ST8SIA5: variants seen among roughly 807,000 people sequenced by gnomAD.
ST8SIA5 encodes alpha-2,8-sialyltransferase 8E.
Under a neutral mutation model 40.2 loss-of-function variants are expected in ST8SIA5, and 24 were observed. The ratio of observed to expected loss-of-function variants is 0.60; its 90% CI spans 0.43 to 0.84. ST8SIA5 has a LOEUF of 0.84. Ranked by LOEUF, ST8SIA5 falls within the 40% of genes least tolerant of loss-of-function variation. The pLI, the probability that ST8SIA5 is intolerant of heterozygous loss-of-function variation, is 0.00. For missense variants in ST8SIA5, 465 were observed against 498.5 expected, an observed-to-expected ratio of 0.93 and a Z score of 0.64; for synonymous variants, 198 against 201.8, an observed-to-expected ratio of 0.98 and a Z score of 0.16.
At chr18:46,742,945 C>T (rs1250889261) in intron 1 of ST8SIA5, among the ~76,000 whole-genome samples, 4 of 152,146 alleles carry the variant, frequency 2.6e-5, no homozygotes, top group Non-Finnish European at 5.9e-5. Flanking sequence ...GAGTGGACCT[C>T]CAGGAAACTC....
chr18:46,734,110 G>T (rs117667273), intron 1 of ST8SIA5, among the ~76,000 whole-genome samples: 1 of 152,124 alleles, frequency 6.6e-6, no homozygotes, highest in South Asian at 2.1e-4. Flanking sequence ...AGATTAGAGC[G>T]GAGATGCTTC....
In ST8SIA5 at chr18:46,677,972, G is replaced by C. The variant is rs2039351279; in HGVS notation, c.*2070C>G. 1 of 152,226 alleles carries C rather than the reference G, an allele frequency of 6.6e-6. No homozygotes were observed. The highest frequency in any genetic ancestry group is 1.5e-5 in the Non-Finnish European group (1 of 68,036). The allele number at this position is 152,226 out of a possible 1,614,324, so 9.4% of individuals were successfully genotyped here. On this transcript the variant is annotated 3_prime_UTR_variant, in exon 7 of 7. Transcript: ENST00000315087. ...CAAAATGGTCTTTAAGAACCTTCTA[G>C]TTTTTATATTCCATGGTTTCAAGAA...
chr18:46,692,826 C>T (rs796779958), intron 2 of ST8SIA5, among the ~76,000 whole-genome samples: 20 of 152,108 alleles, frequency 1.3e-4, no homozygotes, highest in African/African-American at 3.6e-4. Context: ...AGAGCCCACA[C>T]CCTCAACCAC....
rs1179365729 is a variant in ST8SIA5 at position 46,674,726 on chromosome 18, GCAGCAGAAGCACAGAGGAGAGAGTGCC to G, written c.*5289_*5315del. 1.2e-4 allele frequency: 19 copies of G among 152,442 alleles called. No individual in the cohort carries two copies. Among genetic ancestry groups the G allele is most frequent in the African/African-American group, 4.3e-4 (18 of 41,480 alleles). 9.4% of individuals were successfully genotyped at this position (152,442 alleles called of 1,614,324 possible). The stretch of plus-strand genomic sequence containing the variant: ...TGTCCTAATGGAGTCGGTGATGGTT[GCAGCAGAAGCACAGAGGAGAGAGTGCC>G]CAGCCCAGGTCTCTAGAGGGGAGGA... On this transcript the variant is annotated 3_prime_UTR_variant, in exon 7 of 7. Coordinates refer to ENST00000315087, the MANE Select transcript of ST8SIA5 (RefSeq NM_013305.6).
intron 2 of ST8SIA5, among the ~76,000 whole-genome samples, chr18:46,694,719 AG>A (rs1296986443): frequency 6.6e-6 from 1 of 152,128 alleles, no homozygotes; most frequent in African/African-American, 2.4e-5. Context: ...GAAGGGCTAA[AG>A]GAAGTGCCTG....
chr18:46,704,241 C>T (rs576585233), intron 2 of ST8SIA5, among the ~76,000 whole-genome samples: 1 of 152,306 alleles, frequency 6.6e-6, no homozygotes, highest in East Asian at 1.9e-4. Flanking sequence ...TCAGGCAAAA[C>T]AGTCCTGTGC....
At position 46,679,950 on chromosome 18, in the gene ST8SIA5, A is replaced by C. The variant is rs2039369840; in HGVS notation, c.*92T>G. ...AGGGAGAGACAGCCTGAACGCCAGG[A>C]CCCCACGCTGCCCGGTTCGGGGCTC... On this transcript the variant is annotated 3_prime_UTR_variant, in exon 7 of 7. Coordinates refer to ENST00000315087, the MANE Select transcript of ST8SIA5 (RefSeq NM_013305.6). The C allele has an allele frequency of 8.1e-7, 1 of 1,234,186 alleles. No homozygotes were observed. Among genetic ancestry groups the C allele is most frequent in the African/African-American group, 1.5e-5 (1 of 66,244 alleles). 76.5% of individuals were successfully genotyped at this position (1,234,186 alleles called of 1,614,324 possible). A position where few individuals can be genotyped will look rare whatever the true frequency, so the allele number is the denominator to read the frequency against.
At chr18:46,721,899 A>T (rs2039867784) in intron 1 of ST8SIA5, among the ~76,000 whole-genome samples, 1 of 152,240 alleles carries the variant, frequency 6.6e-6, no homozygotes, top group African/African-American at 2.4e-5. Context: ...ATTCCAGCAC[A>T]CAAGGATACC....
At chr18:46,722,104 T>C (rs1158031285) in intron 1 of ST8SIA5, among the ~76,000 whole-genome samples, 2 of 152,124 alleles carry the variant, frequency 1.3e-5, no homozygotes, top group African/African-American at 4.8e-5. Context: ...TCTTACTTCC[T>C]GCAAAAAGCA....
intron 1 of ST8SIA5, among the ~76,000 whole-genome samples, chr18:46,719,682 T>TTTTTTCTTTCTTTCTTTC (rs2039833227): frequency 2.8e-5 from 3 of 107,064 alleles, no homozygotes; most frequent in East Asian, 2.9e-4. Context: ...TTCTTTTCTT[T>TTTTTTCTTTCTTTCTTTC]TTTCTTTCTT....
At chr18:46,699,718 G>A (rs770953548) in intron 2 of ST8SIA5, among the ~76,000 whole-genome samples, 60 of 152,104 alleles carry the variant, frequency 3.9e-4, no homozygotes, top group Non-Finnish European at 6.5e-4. Flanking sequence ...GTTTGCACCC[G>A]GGTCTCACCC....
chr18:46,692,296 C>T (rs750699160), intron 2 of ST8SIA5, 41 bp from the exon 3 acceptor site: 7 of 1,580,614 alleles, frequency 4.4e-6, no homozygotes, highest in Non-Finnish European at 6.1e-6. Flanking sequence ...GCAGGGTAGG[C>T]GGGACAGAGC....
intron 1 of ST8SIA5, among the ~76,000 whole-genome samples, chr18:46,733,020 C>T (rs1399121792): frequency 6.6e-6 from 1 of 152,100 alleles, no homozygotes; most frequent in African/African-American, 2.4e-5. Flanking sequence ...GGAGGCTGGA[C>T]CCAGGGCTCC....
intron 1 of ST8SIA5, among the ~76,000 whole-genome samples, chr18:46,753,091 C>T (rs2040209177): frequency 6.6e-6 from 1 of 152,176 alleles, no homozygotes; most frequent in South Asian, 2.1e-4. Context: ...TTACATCTGC[C>T]CTCTTCGTCC....
chr18:46,751,782 T>C (rs1432344784), intron 1 of ST8SIA5, among the ~76,000 whole-genome samples: 1 of 152,184 alleles, frequency 6.6e-6, no homozygotes, highest in East Asian at 1.9e-4. Context: ...AATGTTTCAG[T>C]TGAGTGTGTA....
intron 5 of ST8SIA5, among the ~76,000 whole-genome samples, chr18:46,683,594 G>A (rs2039418638): frequency 6.6e-6 from 1 of 152,024 alleles, no homozygotes; most frequent in South Asian, 2.1e-4. Flanking sequence ...TTTCGTCAAG[G>A]GGAAGCCATG....
intron 2 of ST8SIA5, among the ~76,000 whole-genome samples, chr18:46,701,186 G>A (rs1443693689): frequency 8.7e-6 from 1 of 114,612 alleles, no homozygotes; most frequent in Non-Finnish European, 1.6e-5. Context: ...TGTCAGTTAT[G>A]CTGGAGTGCA....
Position 46,673,112 on chromosome 18 carries a change from TC to T in ST8SIA5, c.*6929del, listed in dbSNP as rs2039318855. On this transcript the variant is annotated 3_prime_UTR_variant, in exon 7 of 7. Transcript: ENST00000315087. ...TTGTCATTTAATGGGTTTAAAGTTT[TC>T]ATTTTGCAAGATGAGAAGAGTTCCA... The T allele has an allele frequency of 6.6e-6, 1 of 152,222 alleles. No individual in the cohort carries two copies. Among genetic ancestry groups the T allele is most frequent in the Non-Finnish European group, 1.5e-5 (1 of 68,052 alleles). The allele number at this position is 152,222 out of a possible 1,614,324, so 9.4% of individuals were successfully genotyped here.
intron 3 of ST8SIA5, among the ~76,000 whole-genome samples, chr18:46,689,490 T>C (rs572903005): frequency 2.6e-5 from 4 of 152,236 alleles, no homozygotes; most frequent in African/African-American, 9.6e-5. Flanking sequence ...GGGCCCTAGT[T>C]TCCTCATACA....
Sources: allele counts gnomAD v4.1 joint callset (sites outside exome capture counted in the v4.1 genomes callset), GRCh38; gene constraint gnomAD v4.1.1; transcripts MANE v1.5; gene names NCBI Gene and HGNC (gene_info 2026-07-23, HGNC 2026-07-21).